The following NOL4 variants were observed in gnomAD, a reference collection of about 807,000 sequenced individuals.
NOL4 encodes the protein cancer/testis antigen 125.
NOL4 carries 17 observed loss-of-function variants against 75.9 expected under a neutral mutation model. That is an observed-to-expected ratio of 0.22 (90% confidence interval 0.15 to 0.34). The LOEUF (loss-of-function observed/expected upper bound fraction) is 0.34, where lower values mean the gene tolerates loss of function less well. Ranked by LOEUF, NOL4 falls within the 10% of genes least tolerant of loss-of-function variation. The probability of loss-of-function intolerance (pLI) is 1.00; values close to 1 mark genes in which losing one functional copy is unlikely to be tolerated. For missense variants in NOL4, 614 were observed against 793.5 expected (o/e 0.77, Z 2.72); for synonymous variants, 292 against 289.9 (o/e 1.01, Z -0.07).
chr18:34,022,569 T>C (rs2075106455), intron 5 of NOL4, among the ~76,000 whole-genome samples: 1 of 152,084 alleles, frequency 6.6e-6, no homozygotes, highest in South Asian at 2.1e-4. Context: ...AGATGATTTT[T>C]ATTACTTTAT....
Position 34,130,962 on chromosome 18 carries a change from G to A in NOL4, c.265-942C>T, listed in dbSNP as rs188263553. Reference sequence around the variant, plus strand: ...GAGTTTTCATGGATAATAGAGAGGAGTAAGAAATAAGTTTGGAATGAGATA... The same window carrying A: ...GAGTTTTCATGGATAATAGAGAGGAATAAGAAATAAGTTTGGAATGAGATA... On this transcript the variant is annotated intron_variant, in intron 1 of 10. Transcript: ENST00000261592. Among the ~76,000 whole-genome samples the A allele has an allele frequency of 3.0e-3, 456 of 152,064 alleles. 7 individuals carry two copies. The highest frequency in any genetic ancestry group is 0.01 in the African/African-American group (429 of 41,496).
At chr18:33,966,709 CA>C (rs1191600697) in intron 6 of NOL4, among the ~76,000 whole-genome samples, 1 of 151,768 alleles carries the variant, frequency 6.6e-6, no homozygotes, top group African/African-American at 2.4e-5. Flanking sequence ...AGCTGAGAGC[CA>C]AATCAAGAAT....
At chr18:34,153,278 G>T (rs550283417) in intron 1 of NOL4, among the ~76,000 whole-genome samples, 1 of 151,706 alleles carries the variant, frequency 6.6e-6, no homozygotes, top group Non-Finnish European at 1.5e-5. Context: ...TAGAAGGCTC[G>T]AATCATGAAA....
At chr18:34,018,032 A>C (rs1289937834) in intron 6 of NOL4, among the ~76,000 whole-genome samples, 2 of 152,152 alleles carry the variant, frequency 1.3e-5, no homozygotes, top group Non-Finnish European at 2.9e-5. Flanking sequence ...AGTAATACTG[A>C]ATAAGGGAAT....
At chr18:33,936,377 A>G (rs1048239735) in intron 9 of NOL4, among the ~76,000 whole-genome samples, 4 of 149,256 alleles carry the variant, frequency 2.7e-5, no homozygotes, top group African/African-American at 9.9e-5. Context: ...GTCCTGGGCC[A>G]TTGGGTTCAT....
At chr18:33,904,909 C>G (rs1467742994) in intron 9 of NOL4, among the ~76,000 whole-genome samples, 1 of 152,062 alleles carries the variant, frequency 6.6e-6, no homozygotes, top group East Asian at 1.9e-4. Flanking sequence ...CTTCCTGAAA[C>G]CTTTGAATTG....
At chr18:34,195,028 C>CAAA (rs35925381) in intron 1 of NOL4, among the ~76,000 whole-genome samples, 1 of 131,898 alleles carries the variant, frequency 7.6e-6, no homozygotes, top group African/African-American at 2.8e-5. Context: ...AACTCCGTCT[C>CAAA]AAAAAAAAAA....
intron 6 of NOL4, among the ~76,000 whole-genome samples, chr18:33,973,989 A>G (rs1173515713): frequency 1.3e-5 from 2 of 152,202 alleles, no homozygotes; most frequent in African/African-American, 4.8e-5. Context: ...GAAGCTTTGA[A>G]GCCAGGCATT....
chr18:33,883,993 G>A lies in NOL4; in HGVS notation c.1543-569C>T, dbSNP rs571387106. ...AGTCTTCTAAAGGTATAGGGTTTCC[G>A]TCATGAAAGGGTGGAGGTGGGTTGG... is the stretch of plus-strand genomic sequence containing the variant. On this transcript the variant is annotated intron_variant, in intron 9 of 10. Coordinates refer to ENST00000261592, the MANE Select transcript of NOL4 (RefSeq NM_003787.5). Among the ~76,000 whole-genome samples the A allele has an allele frequency of 8.5e-5, 13 of 152,186 alleles. No homozygotes were observed. In the East Asian group the frequency reaches 9.7e-4, roughly 11 times the overall value.
intron 10 of NOL4, among the ~76,000 whole-genome samples, chr18:33,864,382 C>A (rs1054350437): frequency 6.6e-6 from 1 of 152,096 alleles, no homozygotes; most frequent in Admixed American, 6.6e-5. Context: ...TCAGATCATC[C>A]CTCTCAAGTT....
chr18:34,066,592 T>C (rs2077284669), intron 5 of NOL4, among the ~76,000 whole-genome samples: 1 of 151,858 alleles, frequency 6.6e-6, no homozygotes, highest in Non-Finnish European at 1.5e-5. Flanking sequence ...AGCTTGCATG[T>C]CAAATCAGTA....
intron 1 of NOL4, among the ~76,000 whole-genome samples, chr18:34,140,813 G>C (rs1347571014): frequency 6.6e-6 from 1 of 152,086 alleles, no homozygotes; most frequent in South Asian, 2.1e-4. Flanking sequence ...TGCAGTGGCT[G>C]ATACTGGTTG....
intron 5 of NOL4, among the ~76,000 whole-genome samples, chr18:34,045,602 T>A (rs1203625554): frequency 6.6e-6 from 1 of 152,178 alleles, no homozygotes; most frequent in African/African-American, 2.4e-5. Context: ...TTTGCTTACA[T>A]GCAACTTTAA....
chr18:33,899,209 C>T (rs1441107214), intron 9 of NOL4, among the ~76,000 whole-genome samples: 1 of 152,094 alleles, frequency 6.6e-6, no homozygotes, highest in East Asian at 1.9e-4. Context: ...CGTTTCATGG[C>T]CTCCTAAGCC....
At chr18:34,040,529 T>C (rs2076096768) in intron 5 of NOL4, among the ~76,000 whole-genome samples, 1 of 152,002 alleles carries the variant, frequency 6.6e-6, no homozygotes, top group African/African-American at 2.4e-5. Context: ...TATTAATCAA[T>C]TGAACTTTGA....
At chr18:33,916,178 T>A (rs1455243135) in intron 9 of NOL4, among the ~76,000 whole-genome samples, 1 of 152,166 alleles carries the variant, frequency 6.6e-6, no homozygotes, top group Non-Finnish European at 1.5e-5. Flanking sequence ...TTCTATTTTC[T>A]GATTGGGGAA....
chr18:33,890,954 C>T lies in NOL4; in HGVS notation c.1543-7530G>A, dbSNP rs73955067. Among the ~76,000 whole-genome samples, 1,477 of 151,894 alleles carry T rather than the reference C, an allele frequency of 9.7e-3. 26 individuals carry two copies. Among genetic ancestry groups the T allele is most frequent in the African/African-American group, 0.033 (1,379 of 41,458 alleles). ...TGGAAAGTGGTCAAACCAAAAATTA[C>T]GACACCTCACACACTATCCATCAAA... On this transcript the variant is annotated intron_variant, in intron 9 of 10. Coordinates refer to ENST00000261592, the MANE Select transcript of NOL4 (RefSeq NM_003787.5).
chr18:34,066,065 AG>A (rs1458583560), intron 5 of NOL4, among the ~76,000 whole-genome samples: 1 of 151,948 alleles, frequency 6.6e-6, no homozygotes, highest in African/African-American at 2.4e-5. Context: ...GCAGGTTCAC[AG>A]GATTGATTTG....
intron 1 of NOL4, among the ~76,000 whole-genome samples, chr18:34,169,434 TG>T (rs1218634533): frequency 1.5e-5 from 2 of 136,572 alleles, no homozygotes; most frequent in South Asian, 2.3e-4. Flanking sequence ...AAAAAGAAGG[TG>T]AAAAAAACAA....
Sources: allele counts gnomAD v4.1 joint callset (sites outside exome capture counted in the v4.1 genomes callset), GRCh38; gene constraint gnomAD v4.1.1; transcripts MANE v1.5; gene names NCBI Gene and HGNC (gene_info 2026-07-23, HGNC 2026-07-21).